Variants in ELOA observed in about 807,000 individuals in gnomAD.
The protein encoded by ELOA is elongin-A.
Under a neutral mutation model 85.2 loss-of-function variants are expected in ELOA, and 15 were observed. That is an observed-to-expected ratio of 0.18 (90% CI 0.12 to 0.27). ELOA has a LOEUF of 0.27. Ranked by LOEUF, ELOA falls within the 10% of genes least tolerant of loss-of-function variation. ELOA has a pLI of 1.00. For synonymous variants in ELOA, 348 were observed against 357.2 expected, an observed-to-expected ratio of 0.97 and a Z score of 0.29; for missense variants, 769 against 952.7, an observed-to-expected ratio of 0.81 and a Z score of 2.54.
chr1:23,749,131 C>T, intron 2 of ELOA, 54 bp downstream of exon 2: 1 of 1,453,810 alleles, frequency 6.9e-7, no homozygotes, highest in Non-Finnish European at 9.6e-7. Context: ...TCCCTTCTCA[C>T]TGGAGAGTGT....
At position 23,743,484 on chromosome 1, in the gene ELOA, A is replaced by G; in HGVS notation, c.-20A>G. 2.7e-6 allele frequency: 4 copies of G among 1,502,888 alleles called. No homozygotes were observed. The highest frequency in any genetic ancestry group is 1.2e-5 in the South Asian group (1 of 80,720). 93.1% of individuals were successfully genotyped at this position (1,502,888 alleles called of 1,614,324 possible). ...CGACGCGAGCCCAGTTCCGGCGAGG[A>G]GGCCGCGCCAGTGACAGCGATGGCG... On this transcript the variant is annotated 5_prime_UTR_variant, in exon 1 of 11. Coordinates refer to ENST00000613537, the MANE Select transcript of ELOA (RefSeq NM_003198.3).
At position 23,758,255 on chromosome 1, in the gene ELOA, A is replaced by AT. The variant is rs1638235539; in HGVS notation, c.2257+1133dup. On this transcript the variant is annotated intron_variant, in intron 10 of 10. Coordinates refer to ENST00000613537, the MANE Select transcript of ELOA (RefSeq NM_003198.3). Reference sequence around the variant, plus strand: ...TCTAATTGGGTCTTCCAATTTATTTATTTATTTTTTTTTTTTTTTTTTTTT... The same window carrying AT: ...TCTAATTGGGTCTTCCAATTTATTTATTTTATTTTTTTTTTTTTTTTTTTTT... 2.4e-3 allele frequency among the ~76,000 whole-genome samples: 88 copies of AT among 36,178 alleles called. 1 individual carries two copies. The highest frequency in any genetic ancestry group is 5.0e-3 in the South Asian group (3 of 602). The allele number at this position is 36,178 out of a possible 152,430, so 23.7% of individuals were successfully genotyped here.
At chr1:23,749,129 C>A in intron 2 of ELOA, 52 bp downstream of exon 2, 2 of 1,465,330 alleles carry the variant, frequency 1.4e-6, no homozygotes, top group Non-Finnish European at 1.9e-6. Context: ...ATTCCCTTCT[C>A]ACTGGAGAGT....
intron 3 of ELOA, 59 bp downstream of exon 3, chr1:23,750,007 G>A: frequency 7.2e-7 from 1 of 1,389,948 alleles, no homozygotes; most frequent in Non-Finnish European, 9.8e-7. Context: ...AGATAGAAAA[G>A]GTTTTCTTTA....
intron 3 of ELOA, among the ~76,000 whole-genome samples, 200 bp from the exon 4 acceptor site, chr1:23,750,645 G>T (rs1456403642): frequency 6.6e-6 from 1 of 152,100 alleles, no homozygotes; most frequent in Non-Finnish European, 1.5e-5. Context: ...GCATCTTGTG[G>T]TTAAACTCAC....
rs777969750 is a variant in ELOA at position 23,751,343 on chromosome 1, A to G, written c.738A>G (p.Lys246=). The G allele has an allele frequency of 6.2e-7, 1 of 1,614,212 alleles. No homozygotes were observed. Among genetic ancestry groups the G allele is most frequent in the Admixed American group, 1.7e-5 (1 of 60,022 alleles). The part of the protein sequence containing the change: ...KGVVSQNKEH[K]SSHKDKRPVD... The stretch of plus-strand genomic sequence containing the variant: ...TTGTGAGTCAAAACAAGGAGCACAA[A>G]TCTTCCCACAAGGACAAACGCCCCG... The change falls in exon 4 of 11, where the codon AAA becomes AAG. Residue 246 remains lysine, a synonymous_variant. Coordinates refer to ENST00000613537, the MANE Select transcript of ELOA (RefSeq NM_003198.3).
intron 3 of ELOA, 59 bp downstream of exon 3, chr1:23,750,007 G>T: frequency 7.2e-7 from 1 of 1,389,948 alleles, no homozygotes; most frequent in Non-Finnish European, 9.8e-7. Flanking sequence ...AGATAGAAAA[G>T]GTTTTCTTTA....
chr1:23,747,884 T>C (rs545148779), intron 1 of ELOA, among the ~76,000 whole-genome samples: 33 of 152,354 alleles, frequency 2.2e-4, no homozygotes, highest in African/African-American at 7.5e-4. Flanking sequence ...ATACCAATTA[T>C]AGTCTGGGCC....
rs1207812078 is a variant in ELOA, at chr1:23,743,497, G to A, written c.-7G>A. 6.6e-7 allele frequency: 1 copy of A among 1,506,004 alleles called. No homozygotes were observed. The highest frequency in any genetic ancestry group is 8.8e-7 in the Non-Finnish European group (1 of 1,132,886). 93.3% of individuals were successfully genotyped at this position (1,506,004 alleles called of 1,614,324 possible). ...GTTCCGGCGAGGAGGCCGCGCCAGT[G>A]ACAGCGATGGCGGCGGAGTCGGCGC... On this transcript the variant is annotated 5_prime_UTR_variant, in exon 1 of 11. Coordinates refer to ENST00000613537, the MANE Select transcript of ELOA (RefSeq NM_003198.3).
At chr1:23,748,139 AATGAT>A (rs1644754710) in intron 1 of ELOA, among the ~76,000 whole-genome samples, 1 of 152,190 alleles carries the variant, frequency 6.6e-6, no homozygotes, top group African/African-American at 2.4e-5. Flanking sequence ...CGATGAATGA[AATGAT>A]AAGTATTTAG....
At chr1:23,750,462 G>A (rs1038824800) in intron 3 of ELOA, among the ~76,000 whole-genome samples, 1 of 152,166 alleles carries the variant, frequency 6.6e-6, no homozygotes, top group African/African-American at 2.4e-5. Flanking sequence ...TTACAGGCGT[G>A]AGCCACCGCG....
intron 1 of ELOA, among the ~76,000 whole-genome samples, chr1:23,746,215 G>T (rs559392572): frequency 6.6e-6 from 1 of 151,326 alleles, no homozygotes; most frequent in African/African-American, 2.4e-5. Flanking sequence ...TCGAACCCGG[G>T]AGGCAGAGGT....
At position 23,761,602 on chromosome 1, in the gene ELOA, G is replaced by A. The variant is rs1003303913; in HGVS notation, c.*2029G>A. ...AGCCAGATGTTTTCCCCTCCCCCAA[G>A]AGTATCTACATCAGGGATGTGACTT... On this transcript the variant is annotated 3_prime_UTR_variant, in exon 11 of 11. Transcript: ENST00000613537. 8 of 152,148 alleles carry A rather than the reference G, an allele frequency of 5.3e-5. No homozygotes were observed. Among genetic ancestry groups the A allele is most frequent in the African/African-American group, 1.7e-4 (7 of 41,426 alleles). 9.4% of individuals were successfully genotyped at this position (152,148 alleles called of 1,614,324 possible).
rs1002236136 is a variant in ELOA at position 23,761,108 on chromosome 1, G to A, written c.*1535G>A. On this transcript the variant is annotated 3_prime_UTR_variant, in exon 11 of 11. Transcript: ENST00000613537. Reference sequence around the variant, plus strand: ...CAGAGCAACGTAGGAAGTCTATTCAGCAGAAACTCGACATTGTTCAGTGTG... The same window carrying A: ...CAGAGCAACGTAGGAAGTCTATTCAACAGAAACTCGACATTGTTCAGTGTG... 8 of 152,146 alleles carry A rather than the reference G, an allele frequency of 5.3e-5. No individual in the cohort carries two copies. The highest frequency in any genetic ancestry group is 1.9e-4 in the African/African-American group (8 of 41,422). The allele number at this position is 152,146 out of a possible 1,614,324, so 9.4% of individuals were successfully genotyped here.
intron 1 of ELOA, among the ~76,000 whole-genome samples, chr1:23,746,057 G>A (rs1644744541): frequency 6.6e-6 from 1 of 152,104 alleles, no homozygotes. Flanking sequence ...GGGAGGCCGA[G>A]GTGAGTAGAT....
intron 1 of ELOA, among the ~76,000 whole-genome samples, chr1:23,745,100 G>A (rs1479129333): frequency 6.6e-6 from 1 of 152,166 alleles, no homozygotes; most frequent in Admixed American, 6.5e-5. Flanking sequence ...CACTTCCTCA[G>A]GAAGCCATTT....
At chr1:23,744,947 G>GT (rs909518802) in intron 1 of ELOA, among the ~76,000 whole-genome samples, 24 of 151,918 alleles carry the variant, frequency 1.6e-4, no homozygotes, top group African/African-American at 2.4e-4. Context: ...ATTCTTTGGG[G>GT]TTTTTTTTCT....
intron 5 of ELOA, 91 bp downstream of exon 5, chr1:23,752,609 C>A: frequency 2.3e-6 from 3 of 1,333,304 alleles, no homozygotes; most frequent in Non-Finnish European, 3.1e-6. Context: ...ATAATTCCAG[C>A]ACTTTGGGAG....
In ELOA at chr1:23,756,269, C is replaced by T; in HGVS notation, c.1973-5C>T. On this transcript the variant is annotated splice_polypyrimidine_tract_variant and splice_region_variant and intron_variant, in intron 8 of 10. Transcript: ENST00000613537. ...AGGCAGATGTTCATCTCCATAATTC[C>T]ACAGGCCGACAAGCAAAGATGGCCT... is the stretch of plus-strand genomic sequence containing the variant. The T allele has an allele frequency of 6.4e-7, 1 of 1,551,638 alleles. No homozygotes were observed. Among genetic ancestry groups the T allele is most frequent in the Non-Finnish European group, 8.7e-7 (1 of 1,148,356 alleles).
Sources: gnomAD v4.1 joint callset for allele counts (sites outside exome capture counted in the v4.1 genomes callset) on GRCh38, gnomAD v4.1.1 for gene constraint, MANE v1.5 for transcripts, NCBI Gene and HGNC (gene_info 2026-07-23, HGNC 2026-07-21) for gene names.